Variants in DCAF5 observed in about 807,000 individuals in gnomAD.
DCAF5 encodes the protein DDB1- and CUL4-associated factor 5.
A neutral mutation model predicts 80.7 loss-of-function variants in DCAF5; 9 were observed. That is an observed-to-expected ratio of 0.11 (90% CI 0.07 to 0.19). The LOEUF (loss-of-function observed/expected upper bound fraction) is 0.19. Ranked by LOEUF, DCAF5 falls within the 10% of genes least tolerant of loss-of-function variation. The pLI, the probability that DCAF5 is intolerant of heterozygous loss-of-function variation, is 1.00. For missense variants in DCAF5, 842 were observed against 1,205.7 expected, an observed-to-expected ratio of 0.70 and a Z score of 4.47; for synonymous variants, 433 against 461.9, an observed-to-expected ratio of 0.94 and a Z score of 0.80.
In DCAF5 at chr14:69,052,242, C is replaced by G. The variant is rs117591245; in HGVS notation, c.*1615G>C. On this transcript the variant is annotated 3_prime_UTR_variant, in exon 9 of 9. Coordinates refer to ENST00000341516, the MANE Select transcript of DCAF5 (RefSeq NM_003861.3). Reference sequence around the variant, plus strand: ...TGTTTATAAATAACCCCCCCACCCCCAGTGCCTGAATTCATCCACATCTTC... The same window carrying G: ...TGTTTATAAATAACCCCCCCACCCCGAGTGCCTGAATTCATCCACATCTTC... The G allele has an allele frequency of 0.02, 3,062 of 152,730 alleles. 44 individuals are homozygous for G. The highest frequency in any genetic ancestry group is 0.03 in the African/African-American group (1,256 of 41,566). 9.5% of individuals were successfully genotyped at this position (152,730 alleles called of 1,614,324 possible). A position where few individuals can be genotyped will look rare whatever the true frequency, so the allele number is the denominator to read the frequency against.
At chr14:69,087,712 T>C (rs1320928008) in intron 6 of DCAF5, among the ~76,000 whole-genome samples, 2 of 152,184 alleles carry the variant, frequency 1.3e-5, no homozygotes, top group African/African-American at 2.4e-5. Context: ...TGTGAATGTA[T>C]CTATCACAGC....
At chr14:69,142,939 T>G (rs535376122) in intron 1 of DCAF5, among the ~76,000 whole-genome samples, 1 of 152,316 alleles carries the variant, frequency 6.6e-6, no homozygotes, top group South Asian at 2.1e-4. Flanking sequence ...CTACTCCTAA[T>G]CAGACTAAAG....
At chr14:69,058,967 T>G (rs564273918) in intron 8 of DCAF5, among the ~76,000 whole-genome samples, 13 of 151,962 alleles carry the variant, frequency 8.6e-5, no homozygotes, top group African/African-American at 3.1e-4. Flanking sequence ...TTCCTCTCCA[T>G]GCACAGTGAA....
At position 69,054,956 on chromosome 14, in the gene DCAF5, C is replaced by T. The variant is rs369685131; in HGVS notation, c.1730G>A (p.Arg577His). The part of the protein sequence containing the change: ...SSEDEEELNE[R>H]RASTWQRNAM... ...ATTCCGCTGCCAGGTAGAGGCTCGG[C>T]GTTCATTCAGCTCCTCCTCATCCTC... Residue 577 changes from arginine to histidine, a missense_variant, in exon 9 of 9, where the codon CGC (arginine) becomes CAC (histidine). By Grantham distance (29) the Arg-to-His change is conservative. This residue lies in a region of DCAF5 where 607 missense variants were observed against 656.6 expected (regional missense o/e 0.92). Coordinates refer to ENST00000341516, the MANE Select transcript of DCAF5 (RefSeq NM_003861.3). The T allele has an allele frequency of 2.4e-5, 39 of 1,614,234 alleles. No homozygotes were observed. Among genetic ancestry groups the T allele is most frequent in the African/African-American group, 1.5e-4 (11 of 75,058 alleles).
Position 69,053,706 on chromosome 14 carries a change from T to C in DCAF5, c.*151A>G. ...GACATTCAGACCCGTTGTTGAATGT[T>C]GGATAGAAGGGAGCAGCATCAGACA... On this transcript the variant is annotated 3_prime_UTR_variant, in exon 9 of 9. Coordinates refer to ENST00000341516, the MANE Select transcript of DCAF5 (RefSeq NM_003861.3). The C allele has an allele frequency of 1.5e-6, 1 of 685,650 alleles. No homozygotes were observed. The allele number at this position is 685,650 out of a possible 1,614,324, so 42.5% of individuals were successfully genotyped here.
chr14:69,069,437 G>C lies in DCAF5; in HGVS notation c.946+5908C>G, dbSNP rs531603078. ...CTTGATCTCTAAGGAGTTATTAAAA[G>C]GTGAGTTTAAAAAGGGAGAAGGCCT... On this transcript the variant is annotated intron_variant, in intron 7 of 8. Transcript: ENST00000341516. 9.9e-5 allele frequency among the ~76,000 whole-genome samples: 15 copies of C among 152,222 alleles called. 1 individual carries two copies. The South Asian group carries it at 3.1e-3, about 32-fold the overall frequency.
At chr14:69,090,101 C>T (rs757868427) in intron 6 of DCAF5, 1 of 985,060 alleles carries the variant, frequency 1.0e-6, no homozygotes, top group African/African-American at 1.7e-5. Context: ...ACTGCATGCT[C>T]TATTATTCAA....
chr14:69,114,295 T>C (rs1272070222), intron 5 of DCAF5, among the ~76,000 whole-genome samples: 1 of 152,174 alleles, frequency 6.6e-6, no homozygotes, highest in Admixed American at 6.5e-5. Context: ...AAATGTAACA[T>C]TGTTTATAAT....
chr14:69,120,585 GA>G (rs1256271843), intron 2 of DCAF5, among the ~76,000 whole-genome samples: 1 of 152,114 alleles, frequency 6.6e-6, no homozygotes, highest in Non-Finnish European at 1.5e-5. Context: ...GACAAAACAT[GA>G]AAAAAGTCCC....
intron 1 of DCAF5, among the ~76,000 whole-genome samples, chr14:69,123,913 T>C (rs2040801767): frequency 6.6e-6 from 1 of 152,168 alleles, no homozygotes; most frequent in Admixed American, 6.5e-5. Context: ...TTGGCCAGGC[T>C]GGTCTCAAAC....
chr14:69,132,191 T>C (rs1293642271), intron 1 of DCAF5, among the ~76,000 whole-genome samples: 1 of 152,226 alleles, frequency 6.6e-6, no homozygotes, highest in East Asian at 1.9e-4. Flanking sequence ...ATGGTAATTC[T>C]ACTTTTAACT....
intron 6 of DCAF5, among the ~76,000 whole-genome samples, chr14:69,077,272 G>T (rs1360995863): frequency 3.3e-5 from 5 of 152,050 alleles, no homozygotes; most frequent in African/African-American, 1.2e-4. Context: ...GCACGATTAT[G>T]GCTCACTGCA....
chr14:69,149,916 T>A lies in DCAF5; in HGVS notation c.214+2849A>T, dbSNP rs73278999. 6.9e-3 allele frequency among the ~76,000 whole-genome samples: 1,050 copies of A among 152,240 alleles called. 15 individuals are homozygous for A. The highest frequency in any genetic ancestry group is 0.024 in the African/African-American group (1,008 of 41,532). ...GAAAAAAATATAAACATGACACTAG[T>A]TTTAAACGTGGGAAAATTATTGAAG... is the stretch of plus-strand genomic sequence containing the variant. On this transcript the variant is annotated intron_variant, in intron 1 of 8. Transcript: ENST00000341516.
intron 5 of DCAF5, among the ~76,000 whole-genome samples, chr14:69,105,939 A>ATCTATCTATCTATCTATC (rs1555374885): frequency 2.0e-5 from 2 of 99,336 alleles, no homozygotes; most frequent in African/African-American, 6.6e-5. Flanking sequence ...ATATATATAT[A>ATCTATCTATCTATCTATC]TATATATCTC....
intron 5 of DCAF5, among the ~76,000 whole-genome samples, chr14:69,104,602 T>A (rs1226775376): frequency 6.6e-6 from 1 of 152,030 alleles, no homozygotes; most frequent in African/African-American, 2.4e-5. Context: ...ACGTCTGTAA[T>A]CCCAGCACTT....
At chr14:69,142,207 G>A (rs1328543276) in intron 1 of DCAF5, among the ~76,000 whole-genome samples, 1 of 152,168 alleles carries the variant, frequency 6.6e-6, no homozygotes, top group Non-Finnish European at 1.5e-5. Context: ...GGCTGAGGTG[G>A]GAAGATCACT....
At chr14:69,062,560 T>G (rs780833301) in intron 7 of DCAF5, 49 bp from the exon 8 acceptor site, 5 of 1,602,486 alleles carry the variant, frequency 3.1e-6, no homozygotes, top group Non-Finnish European at 4.3e-6. Flanking sequence ...TGAATGAAAG[T>G]AAATAGGTTC....
chr14:69,116,347 A>G lies in DCAF5; in HGVS notation c.665+19T>C, dbSNP rs199970007. The G allele has an allele frequency of 9.3e-6, 15 of 1,608,000 alleles. No individual in the cohort carries two copies. In the East Asian group the frequency reaches 2.0e-4, roughly 22 times the overall value. ...GAGGCAGAGGAAAGTTTTAACACCT[A>G]TGAATAAAGGGGGCTCACCTCTGAG... On this transcript the variant is annotated intron_variant, in intron 5 of 8. Transcript: ENST00000341516.
chr14:69,115,013 T>C (rs530094339), intron 5 of DCAF5, among the ~76,000 whole-genome samples: 4 of 152,118 alleles, frequency 2.6e-5, no homozygotes, highest in Non-Finnish European at 5.9e-5. Context: ...GTAGGAGAGA[T>C]AGTAGGTTGA....
Sources: allele counts gnomAD v4.1 joint callset (sites outside exome capture counted in the v4.1 genomes callset), GRCh38; gene constraint gnomAD v4.1.1; regional missense constraint gnomAD v4.1.1; transcripts MANE v1.5; gene names NCBI Gene and HGNC (gene_info 2026-07-23, HGNC 2026-07-21).